SIPA1L3: variants seen among roughly 807,000 people sequenced by gnomAD.
SIPA1L3 encodes signal induced proliferation associated 1 like 3, also known as signal-induced proliferation-associated 1-like protein 3.
Under a neutral mutation model 150.1 loss-of-function variants are expected in SIPA1L3, and 59 were observed. That is an observed-to-expected ratio of 0.39 (90% confidence interval 0.32 to 0.49). The LOEUF is 0.49. SIPA1L3 is among the 20% of genes least tolerant of loss of function. The pLI, the probability that SIPA1L3 is intolerant of heterozygous loss-of-function variation, is 0.86. For synonymous variants in SIPA1L3, 1,070 were observed against 1,077.6 expected (o/e 0.99, Z 0.14); for missense variants, 2,211 against 2,489.5 (o/e 0.89, Z 2.38).
intron 19 of SIPA1L3, among the ~76,000 whole-genome samples, chr19:38,199,021 G>T (rs576100508): frequency 1.3e-5 from 2 of 152,326 alleles, no homozygotes; most frequent in African/African-American, 4.8e-5. Context: ...CGCCAGATCT[G>T]GGAGCCAGGG....
At chr19:38,000,781 A>G (rs1275239132) in intron 1 of SIPA1L3, among the ~76,000 whole-genome samples, 1 of 148,252 alleles carries the variant, frequency 6.7e-6, no homozygotes, top group Non-Finnish European at 1.5e-5. Context: ...AAAAGACTGG[A>G]AGGAAATGAA....
intron 1 of SIPA1L3, among the ~76,000 whole-genome samples, chr19:37,918,054 T>A (rs1226161755): frequency 1.3e-5 from 2 of 151,884 alleles, no homozygotes; most frequent in African/African-American, 4.8e-5. Context: ...GGGTTTACAT[T>A]GGTGTCGGTG....
intron 8 of SIPA1L3, among the ~76,000 whole-genome samples, chr19:38,111,975 A>AGG (rs1970765205): frequency 3.2e-5 from 3 of 94,502 alleles, no homozygotes; most frequent in African/African-American, 2.1e-4. Context: ...ACATGCACAC[A>AGG]CATGCACACA....
At chr19:38,171,550 G>A (rs1030698095) in intron 15 of SIPA1L3, among the ~76,000 whole-genome samples, 6 of 151,740 alleles carry the variant, frequency 4.0e-5, no homozygotes, top group Middle Eastern at 3.4e-3. Context: ...CTGCCACCAC[G>A]CCCGGCTAAT....
At chr19:38,013,661 C>G (rs1484552983) in intron 1 of SIPA1L3, among the ~76,000 whole-genome samples, 1 of 152,154 alleles carries the variant, frequency 6.6e-6, no homozygotes, top group Non-Finnish European at 1.5e-5. Context: ...CAGCCTTTGA[C>G]CCAGCACTGC....
rs939792198 is a variant in SIPA1L3 at position 37,909,528 on chromosome 19, G to T, written c.-379+2170G>T. Among the ~76,000 whole-genome samples, 3 of 152,160 alleles carry T rather than the reference G, an allele frequency of 2.0e-5. No individual in the cohort carries two copies. In the East Asian group the frequency reaches 5.8e-4, roughly 29 times the overall value. ...CCTGGCTGTGACAAGGTTAAGTCAA[G>T]TCATTAGGGATTAACATACGTAAAC... is the stretch of plus-strand genomic sequence containing the variant. On this transcript the variant is annotated intron_variant, in intron 1 of 21. Transcript: ENST00000222345.
At chr19:37,972,271 A>G (rs1439175897) in intron 1 of SIPA1L3, among the ~76,000 whole-genome samples, 1 of 151,890 alleles carries the variant, frequency 6.6e-6, no homozygotes, top group Non-Finnish European at 1.5e-5. Context: ...TAGGATGACA[A>G]AGGAAACTAA....
chr19:38,154,599 C>T (rs1355426893), intron 13 of SIPA1L3, among the ~76,000 whole-genome samples: 1 of 152,102 alleles, frequency 6.6e-6, no homozygotes, highest in Non-Finnish European at 1.5e-5. Flanking sequence ...AGACATGCGC[C>T]ACCACACCTG....
chr19:37,955,182 G>A (rs1413906224), intron 1 of SIPA1L3, among the ~76,000 whole-genome samples: 2 of 150,952 alleles, frequency 1.3e-5, no homozygotes, highest in African/African-American at 2.4e-5. Context: ...ACCTGAGGTC[G>A]AGAGTTTGAG....
At chr19:38,027,733 T>A (rs1968546863) in intron 1 of SIPA1L3, among the ~76,000 whole-genome samples, 1 of 151,576 alleles carries the variant, frequency 6.6e-6, no homozygotes. Context: ...CCCAGGCTGG[T>A]CTTGAACTTC....
At chr19:38,034,523 G>T (rs771179691) in intron 2 of SIPA1L3, among the ~76,000 whole-genome samples, 9 of 151,808 alleles carry the variant, frequency 5.9e-5, no homozygotes, top group South Asian at 4.2e-4. Context: ...AGGTCCGGGG[G>T]TGCGGGGGGT....
At chr19:37,953,271 G>A (rs1277213780) in intron 1 of SIPA1L3, among the ~76,000 whole-genome samples, 1 of 152,122 alleles carries the variant, frequency 6.6e-6, no homozygotes. Context: ...TCCTGCCCAT[G>A]ACCCAGCCTT....
At chr19:38,199,451 G>A (rs1054769741) in intron 19 of SIPA1L3, among the ~76,000 whole-genome samples, 38 of 152,216 alleles carry the variant, frequency 2.5e-4, no homozygotes, top group African/African-American at 9.2e-4. Flanking sequence ...CAGCCGCTCC[G>A]TGTGCCTGGC....
In SIPA1L3 at chr19:37,946,573, TTCTC is replaced by T. The variant is rs141955355; in HGVS notation, c.-379+39217_-379+39220del. Among the ~76,000 whole-genome samples, 1,063 of 152,346 alleles carry T rather than the reference TTCTC, an allele frequency of 7.0e-3. 33 individuals carry two copies. The highest frequency in any genetic ancestry group is 0.068 in the East Asian group (352 of 5,182). On this transcript the variant is annotated intron_variant, in intron 1 of 21. Transcript: ENST00000222345. ...ATGTATTTCCTAGTTAATTACCTAT[TTCTC>T]TGGGGGGTATTTTTATTTCTTGTTA...
intron 13 of SIPA1L3, among the ~76,000 whole-genome samples, chr19:38,159,983 A>G (rs1343032920): frequency 6.6e-6 from 1 of 152,068 alleles, no homozygotes; most frequent in African/African-American, 2.4e-5. Context: ...GGGGTTGGTC[A>G]CTTTTTATGT....
intron 1 of SIPA1L3, chr19:37,964,938 C>T (rs2046890062): frequency 6.6e-6 from 1 of 152,148 alleles, no homozygotes; most frequent in South Asian, 2.1e-4. Context: ...GTAATTGTGA[C>T]ATGCAGCTGA....
intron 9 of SIPA1L3, among the ~76,000 whole-genome samples, chr19:38,121,949 G>A (rs1275376997): frequency 4.6e-5 from 7 of 151,872 alleles, no homozygotes; most frequent in African/African-American, 1.2e-4. Flanking sequence ...GGCCAGGCGC[G>A]GTGGCTCACA....
chr19:38,030,623 A>AATAT (rs757828313), intron 2 of SIPA1L3, among the ~76,000 whole-genome samples: 465 of 42,598 alleles, frequency 0.011, 7 homozygotes, highest in East Asian at 0.031. Context: ...ATATGTGGCA[A>AATAT]ATATATATAT....
chr19:38,204,471 C>CA (rs1446125306), intron 21 of SIPA1L3, among the ~76,000 whole-genome samples: 1 of 152,130 alleles, frequency 6.6e-6, no homozygotes, highest in Non-Finnish European at 1.5e-5. Context: ...CAAAAAAACA[C>CA]AAAAAAACTG....
Sources: allele counts gnomAD v4.1 joint callset (sites outside exome capture counted in the v4.1 genomes callset), GRCh38; gene constraint gnomAD v4.1.1; transcripts MANE v1.5; gene names NCBI Gene and HGNC (gene_info 2026-07-23, HGNC 2026-07-21).